Variants in CFAP58 observed in about 807,000 individuals in gnomAD.
CFAP58 encodes cilia and flagella associated protein 58.
CFAP58 carries 88 observed loss-of-function variants against 119.5 expected under a neutral mutation model. The observed-to-expected ratio is 0.74, with a 90% CI of 0.62 to 0.88. CFAP58 has a LOEUF of 0.88. Ranked by LOEUF, CFAP58 falls within the 40% of genes least tolerant of loss-of-function variation. CFAP58 has a pLI of 0.00. For missense variants in CFAP58, 990 were observed against 1,021.2 expected (o/e 0.97, Z 0.42); for synonymous variants, 365 against 366.3 (o/e 1.00, Z 0.04).
chr10:104,433,251 A>C (rs1039113662), intron 15 of CFAP58, among the ~76,000 whole-genome samples: 11 of 152,206 alleles, frequency 7.2e-5, no homozygotes, highest in African/African-American at 2.7e-4. Flanking sequence ...GTGCCACAGC[A>C]TGTGCCTAAT....
chr10:104,409,064 C>T (rs1196515673), intron 15 of CFAP58, among the ~76,000 whole-genome samples: 3 of 151,870 alleles, frequency 2.0e-5, no homozygotes, highest in Non-Finnish European at 4.4e-5. Context: ...TGTGCCACTG[C>T]ACTTCAGCCT....
At chr10:104,389,437 T>C (rs943048190) in intron 9 of CFAP58, among the ~76,000 whole-genome samples, 1 of 152,118 alleles carries the variant, frequency 6.6e-6, no homozygotes, top group Non-Finnish European at 1.5e-5. Flanking sequence ...GAATTATTCC[T>C]GTTCTAACAT....
intron 15 of CFAP58, among the ~76,000 whole-genome samples, chr10:104,410,139 G>T (rs2012437654): frequency 6.6e-6 from 1 of 151,946 alleles, no homozygotes; most frequent in Admixed American, 6.6e-5. Flanking sequence ...CTCTTTCATA[G>T]ATTCCCTTAA....
At chr10:104,378,708 C>A (rs2011717840) in intron 8 of CFAP58, among the ~76,000 whole-genome samples, 2 of 152,178 alleles carry the variant, frequency 1.3e-5, no homozygotes, top group Admixed American at 1.3e-4. Context: ...GTTATATCTT[C>A]TACTGAGTTG....
At chr10:104,396,369 TGAGAGAGAGAGAGA>T (rs57210958) in intron 11 of CFAP58, among the ~76,000 whole-genome samples, 127 of 86,840 alleles carry the variant, frequency 1.5e-3, no homozygotes, top group East Asian at 2.9e-3. Context: ...CTGTTATCCA[TGAGAGAGAGAGAGA>T]GAGAGAGAGA....
intron 17 of CFAP58, 22 bp from the exon 18 acceptor site, chr10:104,454,400 A>G: frequency 6.3e-7 from 1 of 1,580,566 alleles, no homozygotes; most frequent in South Asian, 1.1e-5. Context: ...AAGGAAGCTA[A>G]CTTTCACCTC....
the CFAP58 span, among the ~76,000 whole-genome samples, chr10:104,343,647 T>TA: frequency 5.1e-4 from 78 of 152,358 alleles, no homozygotes; most frequent in Non-Finnish European, 6.3e-4. Context: ...TACAAACTGT[T>TA]ATGTTCCCTT....
rs1287676366 is a variant in CFAP58 at position 104,392,462 on chromosome 10, A to T, written c.1527+68A>T. 3 of 1,138,052 alleles carry T rather than the reference A, an allele frequency of 2.6e-6. No individual in the cohort carries two copies. In the African/African-American group the frequency reaches 4.8e-5, roughly 18 times the overall value. The allele number at this position is 1,138,052 out of a possible 1,614,324, so 70.5% of individuals were successfully genotyped here. On this transcript the variant is annotated intron_variant, in intron 10 of 17. Coordinates refer to ENST00000369704, the MANE Select transcript of CFAP58 (RefSeq NM_001008723.2). ...CCCTGCATTTAAAACAGTTTCTGTTATCCTAATGGCAGAATTTAGAATAGA... is the reference window on the plus strand; with the variant it reads ...CCCTGCATTTAAAACAGTTTCTGTTTTCCTAATGGCAGAATTTAGAATAGA...
intron 1 of CFAP58, among the ~76,000 whole-genome samples, 154 bp from the exon 2 acceptor site, chr10:104,358,187 C>G (rs970357941): frequency 1.4e-5 from 2 of 148,056 alleles, no homozygotes; most frequent in Non-Finnish European, 3.0e-5. Flanking sequence ...GAACAAGGAC[C>G]TTTCCTGTCA....
At chr10:104,400,381 A>G (rs1305597338) in intron 12 of CFAP58, among the ~76,000 whole-genome samples, 1 of 152,158 alleles carries the variant, frequency 6.6e-6, no homozygotes, top group Admixed American at 6.5e-5. Flanking sequence ...TCCTGGCCTC[A>G]AGTGATCTGC....
At chr10:104,389,059 T>G (rs2011982808) in intron 9 of CFAP58, among the ~76,000 whole-genome samples, 1 of 152,216 alleles carries the variant, frequency 6.6e-6, no homozygotes, top group South Asian at 2.1e-4. Flanking sequence ...ATACCACTTC[T>G]AATGGGGACA....
At chr10:104,363,338 T>C (rs1042536203) in intron 3 of CFAP58, among the ~76,000 whole-genome samples, 6 of 152,208 alleles carry the variant, frequency 3.9e-5, no homozygotes, top group African/African-American at 1.4e-4. Context: ...GAACATACAC[T>C]TCCTTGGGCA....
chr10:104,416,252 G>A (rs185297441), intron 15 of CFAP58, among the ~76,000 whole-genome samples: 20 of 152,294 alleles, frequency 1.3e-4, no homozygotes, highest in Non-Finnish European at 7.4e-5. Flanking sequence ...ACAGTGACAC[G>A]GAAATGGTTC....
chr10:104,423,978 C>CT (rs1385872813), intron 15 of CFAP58, among the ~76,000 whole-genome samples: 1 of 152,070 alleles, frequency 6.6e-6, no homozygotes, highest in Non-Finnish European at 1.5e-5. Context: ...CCTTAATCTG[C>CT]TTTTTTATGA....
At chr10:104,437,926 A>G (rs2133086561) in intron 15 of CFAP58, among the ~76,000 whole-genome samples, 1 of 152,346 alleles carries the variant, frequency 6.6e-6, no homozygotes, top group South Asian at 2.1e-4. Context: ...AACTTTATAT[A>G]TCTTTCTATA....
At position 104,406,792 on chromosome 10, in the gene CFAP58, AG is replaced by A; in HGVS notation, c.2256+1del. ...GTGGTTGAAAAAGAGCTGCTCCTCC[AG>A]GTAGCATTTTTGTTTTCTGTACTCA... ...EEVVEKELLL[Q>X]EKEKLYMELK... On this transcript the variant is annotated frameshift_variant and splice_region_variant, in exon 15 of 18. Coordinates refer to ENST00000369704, the MANE Select transcript of CFAP58 (RefSeq NM_001008723.2). LOFTEE classifies it high-confidence loss of function. 6.2e-7 allele frequency: 1 copy of A among 1,613,808 alleles called. No homozygotes were observed. The highest frequency in any genetic ancestry group is 1.1e-5 in the South Asian group (1 of 91,080).
Position 104,380,160 on chromosome 10 carries a change from C to T in CFAP58, c.1305C>T (p.Ile435=). 1 of 1,614,128 alleles carries T rather than the reference C, an allele frequency of 6.2e-7. No individual in the cohort carries two copies. The highest frequency in any genetic ancestry group is 8.5e-7 in the Non-Finnish European group (1 of 1,179,996). Residue 435 remains isoleucine, a synonymous_variant, in exon 9 of 18, where the codon ATC becomes ATT. Coordinates refer to ENST00000369704, the MANE Select transcript of CFAP58 (RefSeq NM_001008723.2). ...AGGCTCAGAAGCAGAGAAAGATCAT[C>T]TTTCATCTGGAAAAGGAGCGTGACC... ...KDEAQKQRKI[I]FHLEKERDRY...
chr10:104,406,110 A>G (rs957840983), intron 14 of CFAP58, among the ~76,000 whole-genome samples: 5 of 152,218 alleles, frequency 3.3e-5, no homozygotes, highest in Non-Finnish European at 7.3e-5. Flanking sequence ...CAACAACAAC[A>G]AAAAGAATTC....
chr10:104,356,495 A>C (rs936593460), intron 1 of CFAP58, among the ~76,000 whole-genome samples: 1 of 152,188 alleles, frequency 6.6e-6, no homozygotes, highest in South Asian at 2.1e-4. Flanking sequence ...ATAATGTTGC[A>C]AACGTAAGTA....
Sources: allele counts gnomAD v4.1 joint callset (sites outside exome capture counted in the v4.1 genomes callset), GRCh38; gene constraint gnomAD v4.1.1; transcripts MANE v1.5; gene names NCBI Gene and HGNC (gene_info 2026-07-23, HGNC 2026-07-21).